The following CA12 variants were observed in gnomAD, a reference collection of about 807,000 sequenced individuals.
The protein encoded by CA12 is carbonic anhydrase 12, also known as carbonate dehydratase XII.
CA12 carries 36 observed loss-of-function variants against 46.8 expected under a neutral mutation model. The ratio of observed to expected loss-of-function variants is 0.77; its 90% CI spans 0.59 to 1.02. The LOEUF (loss-of-function observed/expected upper bound fraction) is 1.02, where lower values mean the gene tolerates loss of function less well. CA12 is among the 50% of genes least tolerant of loss of function. The pLI is 0.00. For missense variants in CA12, 436 were observed against 451.4 expected, an observed-to-expected ratio of 0.97 and a Z score of 0.31; for synonymous variants, 202 against 187.0, an observed-to-expected ratio of 1.08 and a Z score of -0.65.
Position 63,378,697 on chromosome 15 carries a change from A to C in CA12, c.85+2939T>G, listed in dbSNP as rs1235516880. 1.3e-5 allele frequency: 2 copies of C among 152,218 alleles called. No individual in the cohort carries two copies. Among genetic ancestry groups the C allele is most frequent in the African/African-American group, 4.8e-5 (2 of 41,458 alleles). The allele number at this position is 152,218 out of a possible 1,614,324, so 9.4% of individuals were successfully genotyped here. On this transcript the variant is annotated intron_variant, in intron 1 of 10. Transcript: ENST00000178638. This position sits in a 1 kb window ranked among gnomAD's most constrained non-coding sequence, Gnocchi z 4.8. ...CATTTTCTTCAGTCTTTTGTGTGAG[A>C]GGTTCATTATTAAGATGTAATCCCA...
chr15:63,324,526 G>A lies in CA12; in HGVS notation c.*1759C>T, dbSNP rs550674677. 3.9e-5 allele frequency: 6 copies of A among 152,280 alleles called. No homozygotes were observed. The highest frequency in any genetic ancestry group is 3.3e-4 in the Admixed American group (5 of 15,276). 9.4% of individuals were successfully genotyped at this position (152,280 alleles called of 1,614,324 possible). A position where few individuals can be genotyped will look rare whatever the true frequency, so the allele number is the denominator to read the frequency against. ...AGGCCGGGATGCCACCCCAGGCTTC[G>A]AGGCTGTTAGAGGTCTTGAGTGCAC... On this transcript the variant is annotated 3_prime_UTR_variant, in exon 11 of 11. Transcript: ENST00000178638.
intron 2 of CA12, among the ~76,000 whole-genome samples, chr15:63,362,401 C>T (rs2039374444): frequency 6.6e-6 from 1 of 152,228 alleles, no homozygotes; most frequent in African/African-American, 2.4e-5. Context: ...TGACAGTTCA[C>T]ATCTTCCACG....
rs1335106269 is a variant in CA12, at chr15:63,381,668, T to C, written c.53A>G (p.Lys18Arg). Residue 18 changes from lysine (K) to arginine (R), a missense_variant, in exon 1 of 11, where the codon AAG becomes AGG. Coordinates refer to ENST00000178638, the MANE Select transcript of CA12 (RefSeq NM_001218.5). The part of the protein sequence containing the change: ...AAAVLLLVIL[K>R]EQPSSPAPVN... Reference sequence around the variant, plus strand: ...TGGGGCCGGGCTGGAAGGCTGTTCCTTTAAGATCACCAGCAGGAGCACGGC... The same window carrying C: ...TGGGGCCGGGCTGGAAGGCTGTTCCCTTAAGATCACCAGCAGGAGCACGGC... 3 of 1,611,760 alleles carry C rather than the reference T, an allele frequency of 1.9e-6. No individual in the cohort carries two copies. Among genetic ancestry groups the C allele is most frequent in the Admixed American group, 3.3e-5 (2 of 59,858 alleles).
chr15:63,376,557 C>CCTTTCTTTCTTTCTTTCTTT (rs66768055), intron 1 of CA12, among the ~76,000 whole-genome samples: 17,973 of 104,336 alleles, frequency 0.17, 2,230 homozygotes, highest in Non-Finnish European at 0.2. Flanking sequence ...CTCTTTCTTT[C>CCTTTCTTTCTTTCTTTCTTT]CTTTCTTTCT....
At chr15:63,367,344 A>T (rs78231957) in intron 2 of CA12, among the ~76,000 whole-genome samples, 254 of 152,362 alleles carry the variant, frequency 1.7e-3, no homozygotes, top group African/African-American at 5.9e-3. Context: ...ACACTGCCTC[A>T]TACTTGCTTC....
rs777675276 is a variant in CA12 at position 63,340,727 on chromosome 15, C to T, written c.582G>A (p.Lys194=). 6.2e-7 allele frequency: 1 copy of T among 1,613,904 alleles called. No homozygotes were observed. The highest frequency in any genetic ancestry group is 1.3e-5 in the African/African-American group (1 of 74,938). The change falls in exon 6 of 11, where the codon AAG becomes AAA. Residue 194 remains lysine, a synonymous_variant. Transcript: ENST00000178638. This position sits in a 1 kb window ranked among gnomAD's most constrained non-coding sequence, Gnocchi z 4.4. Reference sequence around the variant, plus strand: ...CATGCAAGGACCCCTCACCTTTGTACTTTACATGTTGAAGGTGACTGAAGA... The same window carrying T: ...CATGCAAGGACCCCTCACCTTTGTATTTTACATGTTGAAGGTGACTGAAGA... ...DKIFSHLQHV[K]YKGQEAFVPG... is the part of the protein sequence containing the mutation.
At position 63,330,835 on chromosome 15, in the gene CA12, C is replaced by A. The variant is rs977096675; in HGVS notation, c.875-2705G>T. ...GTGCTGTGACCTGGGATCTTTGCTCCTTGAGGACCACTTGTCAAGGCCTAA... is the reference window on the plus strand; with the variant it reads ...GTGCTGTGACCTGGGATCTTTGCTCATTGAGGACCACTTGTCAAGGCCTAA... On this transcript the variant is annotated intron_variant, in intron 8 of 10. Transcript: ENST00000178638. This position sits in a 1 kb window ranked among gnomAD's most constrained non-coding sequence, Gnocchi z 4.0. Among the ~76,000 whole-genome samples, 1 of 152,176 alleles carries A rather than the reference C, an allele frequency of 6.6e-6. No homozygotes were observed. The highest frequency in any genetic ancestry group is 1.9e-4 in the East Asian group (1 of 5,194).
At position 63,345,325 on chromosome 15, in the gene CA12, G is replaced by T; in HGVS notation, c.429+152C>A. The T allele has an allele frequency of 1.1e-6, 1 of 869,882 alleles. No homozygotes were observed. Among genetic ancestry groups the T allele is most frequent in the Non-Finnish European group, 1.8e-6 (1 of 550,306 alleles). The allele number at this position is 869,882 out of a possible 1,614,324, so 53.9% of individuals were successfully genotyped here. On this transcript the variant is annotated intron_variant, in intron 4 of 10. Transcript: ENST00000178638. The surrounding 1 kb of genome is among the most constrained non-coding windows in gnomAD (Gnocchi z 4.3). ...AGATGAGCTACAGGCTAGTGGAGTG[G>T]CTGCGCCCCTTGTGCCAGGGCCAGA... is the stretch of plus-strand genomic sequence containing the variant.
At position 63,373,454 on chromosome 15, in the gene CA12, T is replaced by C. The variant is rs191706622; in HGVS notation, c.106+2204A>G. Among the ~76,000 whole-genome samples, 8 of 152,190 alleles carry C rather than the reference T, an allele frequency of 5.3e-5. No individual in the cohort carries two copies. In the East Asian group the frequency reaches 5.8e-4, roughly 11 times the overall value. ...GCCCAGGAGGGCTGTAACAGAGAGA[T>C]AGGGATAGAGGACCCCGTAGAGATG... On this transcript the variant is annotated intron_variant, in intron 2 of 10. Coordinates refer to ENST00000178638, the MANE Select transcript of CA12 (RefSeq NM_001218.5). The surrounding 1 kb of genome is among the most constrained non-coding windows in gnomAD (Gnocchi z 4.9).
intron 2 of CA12, among the ~76,000 whole-genome samples, chr15:63,363,147 T>TTG (rs1264708169): frequency 6.6e-6 from 1 of 152,228 alleles, no homozygotes; most frequent in Non-Finnish European, 1.5e-5. Flanking sequence ...CTTTCTTTTT[T>TTG]TCTTAGGGGC....
chr15:63,373,442 G>A lies in CA12; in HGVS notation c.106+2216C>T, dbSNP rs1004386956. 6.6e-6 allele frequency among the ~76,000 whole-genome samples: 1 copy of A among 152,104 alleles called. No homozygotes were observed. Among genetic ancestry groups the A allele is most frequent in the Non-Finnish European group, 1.5e-5 (1 of 68,018 alleles). ...CCATCTCATTCTGCCCAGGAGGGCT[G>A]TAACAGAGAGATAGGGATAGAGGAC... On this transcript the variant is annotated intron_variant, in intron 2 of 10. Transcript: ENST00000178638. This position sits in a 1 kb window ranked among gnomAD's most constrained non-coding sequence, Gnocchi z 4.9.
chr15:63,349,960 T>C (rs542775094), intron 2 of CA12, among the ~76,000 whole-genome samples: 4 of 152,136 alleles, frequency 2.6e-5, no homozygotes, highest in African/African-American at 9.6e-5. Context: ...GGAGGAAAAA[T>C]GAGATCACTT....
chr15:63,349,274 C>T (rs1296016670), intron 2 of CA12, among the ~76,000 whole-genome samples: 2 of 152,190 alleles, frequency 1.3e-5, no homozygotes, highest in African/African-American at 4.8e-5. Context: ...CTCCATCTGT[C>T]AGGCAAATTT....
At chr15:63,380,558 C>T (rs1157647620) in intron 1 of CA12, among the ~76,000 whole-genome samples, 2 of 152,174 alleles carry the variant, frequency 1.3e-5, no homozygotes, top group African/African-American at 2.4e-5. Flanking sequence ...TACATCGCTC[C>T]TTTCTCCCAA....
chr15:63,322,855 CA>C lies in CA12; in HGVS notation c.*3429del, dbSNP rs2152607409. ...AAATGTTTCAATTCCAAAGCTGGGCCAGGTACTGTCACCCACTGGAGCCAAA... is the reference window on the plus strand; with the variant it reads ...AAATGTTTCAATTCCAAAGCTGGGCCGGTACTGTCACCCACTGGAGCCAAA... On this transcript the variant is annotated 3_prime_UTR_variant, in exon 11 of 11. Transcript: ENST00000178638. This position sits in a 1 kb window ranked among gnomAD's most constrained non-coding sequence, Gnocchi z 4.1. 6.6e-6 allele frequency: 1 copy of C among 152,398 alleles called. No individual in the cohort carries two copies. The highest frequency in any genetic ancestry group is 1.9e-4 in the East Asian group (1 of 5,196). The allele number at this position is 152,398 out of a possible 1,614,324, so 9.4% of individuals were successfully genotyped here. A position where few individuals can be genotyped will look rare whatever the true frequency, so the allele number is the denominator to read the frequency against.
chr15:63,370,881 G>A (rs1229877908), intron 2 of CA12, among the ~76,000 whole-genome samples: 3 of 152,134 alleles, frequency 2.0e-5, no homozygotes, highest in East Asian at 1.9e-4. Flanking sequence ...GCTGGGAGTC[G>A]CGAGAAGTGG....
At chr15:63,364,198 G>T (rs993160782) in intron 2 of CA12, among the ~76,000 whole-genome samples, 1 of 151,056 alleles carries the variant, frequency 6.6e-6, no homozygotes, top group African/African-American at 2.4e-5. Flanking sequence ...TGGGGGGGCG[G>T]TGAGGAGACT....
chr15:63,375,546 C>A, intron 2 of CA12, 112 bp downstream of exon 2: 2 of 728,748 alleles, frequency 2.7e-6, no homozygotes, highest in Non-Finnish European at 4.8e-6. Flanking sequence ...AAGAACTGTG[C>A]TTCCGACCCT....
At chr15:63,349,801 A>G (rs1027977080) in intron 2 of CA12, among the ~76,000 whole-genome samples, 1 of 152,136 alleles carries the variant, frequency 6.6e-6, no homozygotes, top group Admixed American at 6.5e-5. Flanking sequence ...CGGCTCATCC[A>G]TCGCTGCACT....
Sources: gnomAD v4.1 joint callset for allele counts (sites outside exome capture counted in the v4.1 genomes callset) on GRCh38, gnomAD v4.1.1 for gene constraint, Gnocchi (gnomAD v3.1) non-coding constraint, MANE v1.5 for transcripts, NCBI Gene and HGNC (gene_info 2026-07-23, HGNC 2026-07-21) for gene names.